Variants in GOLGA3 observed in about 807,000 individuals in gnomAD.
The protein encoded by GOLGA3 is golgin A3, also known as golgin subfamily A member 3.
In GOLGA3, 75 loss-of-function variants were observed where a neutral mutation model predicts 169.4. The ratio of observed to expected loss-of-function variants is 0.44; its 90% CI spans 0.37 to 0.54. The LOEUF is 0.54. Among genes scored for constraint, GOLGA3 ranks in the 20% least tolerant of loss-of-function variants. The pLI, the probability that GOLGA3 is intolerant of heterozygous loss-of-function variation, is 0.00. For missense variants in GOLGA3, 1,899 were observed against 1,930.0 expected (o/e 0.98, Z 0.30); for synonymous variants, 824 against 822.4 (o/e 1.00, Z -0.03).
In GOLGA3 at chr12:132,807,177, C is replaced by G. The variant is rs1232468396; in HGVS notation, c.1290G>C (p.Gln430His). 1 of 1,589,370 alleles carries G rather than the reference C, an allele frequency of 6.3e-7. No homozygotes were observed. The highest frequency in any genetic ancestry group is 1.3e-5 in the African/African-American group (1 of 74,528). ...GAGATGTCAGTCGAACGTCCGTTAC[C>G]TGACTCGCCTCCAGTGACAAGGCTT... ...QLEALSLEAS[Q>H]ALKEKAELQA... is the part of the protein sequence containing the mutation. The change falls in exon 6 of 24, where the codon CAG becomes CAC. Residue 430 changes from glutamine to histidine, a missense_variant and splice_region_variant. Physicochemically the swap from Gln to His is conservative, Grantham distance 24 (BLOSUM62 0). Transcript: ENST00000450791.
chr12:132,800,386 C>T (rs1316490838), intron 8 of GOLGA3, among the ~76,000 whole-genome samples: 3 of 150,902 alleles, frequency 2.0e-5, no homozygotes, highest in South Asian at 4.2e-4. Flanking sequence ...CCCAGCTACT[C>T]GGGACGCTGA....
At chr12:132,810,475 A>G (rs1949646526) in intron 4 of GOLGA3, among the ~76,000 whole-genome samples, 1 of 152,194 alleles carries the variant, frequency 6.6e-6, no homozygotes, top group African/African-American at 2.4e-5. Context: ...ATATATGAAT[A>G]TCATTAATCA....
chr12:132,819,870 T>C (rs934395598), intron 2 of GOLGA3, among the ~76,000 whole-genome samples: 1 of 152,080 alleles, frequency 6.6e-6, no homozygotes, highest in African/African-American at 2.4e-5. Context: ...AGACTGTTTA[T>C]ACAAAAAGTT....
chr12:132,778,313 G>A (rs1258924227), intron 18 of GOLGA3, among the ~76,000 whole-genome samples: 3 of 150,856 alleles, frequency 2.0e-5, no homozygotes, highest in Non-Finnish European at 2.9e-5. Context: ...GGCGGCTCAC[G>A]CCTGTAATCC....
Position 132,808,547 on chromosome 12 carries a change from G to A in GOLGA3, c.522C>T (p.Ser174=), listed in dbSNP as rs201692717. ...GTCTCGTTTTGGTTGCAGGTTGACT[G>A]GACTGAGAAGAAAACAAAAGTACAA... ...QYRVKRQQER[S]SQPATKTRLF... is the part of the protein sequence containing the mutation. The change falls in exon 5 of 24, where the codon TCC becomes TCT. Residue 174 remains serine, a splice_region_variant and synonymous_variant. Coordinates refer to ENST00000450791, the MANE Select transcript of GOLGA3 (RefSeq NM_001389683.1). The A allele has an allele frequency of 6.4e-7, 1 of 1,568,356 alleles. No individual in the cohort carries two copies. The highest frequency in any genetic ancestry group is 1.4e-5 in the African/African-American group (1 of 72,594).
rs753086431 is a variant in GOLGA3 at position 132,773,272 on chromosome 12, G to A, written c.4330C>T (p.Arg1444Cys). ...GTCAGGGCGTGCTCCTCCATCTGGCGCTGCAGGCTGTCCATCTCCTGCCTG... is the reference window on the plus strand; with the variant it reads ...GTCAGGGCGTGCTCCTCCATCTGGCACTGCAGGCTGTCCATCTCCTGCCTG... ...QLKQEMDSLQ[R>C]QMEEHALTVH... Residue 1444 changes from arginine to cysteine, a missense_variant, in exon 24 of 24, where the codon CGC becomes TGC. By Grantham distance (180) the Arg-to-Cys change is radical. Transcript: ENST00000450791. 5.5e-6 allele frequency: 8 copies of A among 1,445,104 alleles called. No individual in the cohort carries two copies. Among genetic ancestry groups the A allele is most frequent in the Non-Finnish European group, 7.4e-6 (8 of 1,087,392 alleles). The allele number at this position is 1,445,104 out of a possible 1,614,324, so 89.5% of individuals were successfully genotyped here.
At chr12:132,780,991 T>A (rs1038393260) in intron 17 of GOLGA3, 77 bp from the exon 18 acceptor site, 1 of 1,036,924 alleles carries the variant, frequency 9.6e-7, no homozygotes, top group African/African-American at 1.6e-5. Context: ...GCAGGCAACG[T>A]GACACACGCC....
chr12:132,784,598 T>TGGCA (rs1374580592), intron 15 of GOLGA3, among the ~76,000 whole-genome samples: 4 of 152,198 alleles, frequency 2.6e-5, no homozygotes, highest in Non-Finnish European at 5.9e-5. Flanking sequence ...TCACCATCTG[T>TGGCA]GGCAAGCAAG....
intron 4 of GOLGA3, among the ~76,000 whole-genome samples, chr12:132,808,832 ACCT>A (rs370638078): frequency 3.3e-5 from 5 of 152,128 alleles, no homozygotes; most frequent in African/African-American, 1.2e-4. Context: ...CCCAGCAAGT[ACCT>A]CCTCATCAGA....
At chr12:132,791,050 CAAAAAAAAAAAAAAAAAAAAAA>C (rs771719474) in intron 12 of GOLGA3, among the ~76,000 whole-genome samples, 144 bp downstream of exon 12, 1 of 52,632 alleles carries the variant, frequency 1.9e-5, no homozygotes, top group Non-Finnish European at 3.0e-5. Flanking sequence ...GACTCCGTCT[CAAAAAAAAAAAAAAAAAAAAAA>C]AAAAAAAAAA....
chr12:132,804,470 C>G lies in GOLGA3; in HGVS notation c.1597+246G>C, dbSNP rs1300290634. On this transcript the variant is annotated intron_variant, in intron 7 of 23. Coordinates refer to ENST00000450791, the MANE Select transcript of GOLGA3 (RefSeq NM_001389683.1). The surrounding 1 kb of genome is among the most constrained non-coding windows in gnomAD (Gnocchi z 4.1). ...TAAACCAATGCAACCCTCACAGGCACAGTCACATGCCGACAGAGCTGTCAG... is the reference window on the plus strand; with the variant it reads ...TAAACCAATGCAACCCTCACAGGCAGAGTCACATGCCGACAGAGCTGTCAG... Among the ~76,000 whole-genome samples, 1 of 152,218 alleles carries G rather than the reference C, an allele frequency of 6.6e-6. No individual in the cohort carries two copies. Among genetic ancestry groups the G allele is most frequent in the Non-Finnish European group, 1.5e-5 (1 of 68,046 alleles).
At chr12:132,813,556 A>C (rs1033955913) in intron 3 of GOLGA3, 137 bp from the exon 4 acceptor site, 2 of 562,300 alleles carry the variant, frequency 3.6e-6, no homozygotes, top group East Asian at 6.2e-5. Context: ...CTTGTTTGGA[A>C]GGACAATTTC....
At chr12:132,813,818 A>G (rs1442816136) in intron 3 of GOLGA3, among the ~76,000 whole-genome samples, 1 of 140,780 alleles carries the variant, frequency 7.1e-6, no homozygotes, top group African/African-American at 2.7e-5. Flanking sequence ...TCCGCCTCCC[A>G]GGTTCACACC....
intron 11 of GOLGA3, 147 bp downstream of exon 11, chr12:132,795,705 G>A: frequency 1.2e-6 from 1 of 843,586 alleles, no homozygotes; most frequent in Non-Finnish European, 1.9e-6. Context: ...AGGTTGCAGT[G>A]AGCGCAGATC....
rs2136263015 is a variant in GOLGA3, at chr12:132,776,752, T to G, written c.3860A>C (p.Glu1287Ala). Reference sequence around the variant, plus strand: ...CTGATCCACCTCCCATTTGAGATTTTCCATCTAAAGAGGGGAAAGTCACAT... The same window carrying G: ...CTGATCCACCTCCCATTTGAGATTTGCCATCTAAAGAGGGGAAAGTCACAT... ...SKQPVGNQEM[E>A]NLKWEVDQKE... Residue 1287 changes from glutamate to alanine, a missense_variant, in exon 21 of 24, where the codon GAA becomes GCA. Transcript: ENST00000450791. 1 of 1,613,944 alleles carries G rather than the reference T, an allele frequency of 6.2e-7. No homozygotes were observed. Among genetic ancestry groups the G allele is most frequent in the Non-Finnish European group, 8.5e-7 (1 of 1,179,958 alleles).
chr12:132,783,756 T>G, intron 16 of GOLGA3: 1 of 401,004 alleles, frequency 2.5e-6, no homozygotes, highest in Non-Finnish European at 4.1e-6. Flanking sequence ...TTTTGTATTT[T>G]TAGTAGAGAT....
chr12:132,812,195 A>ACACACACACG (rs1949749919), intron 4 of GOLGA3, among the ~76,000 whole-genome samples: 1 of 114,250 alleles, frequency 8.8e-6, no homozygotes, highest in Admixed American at 9.2e-5. Context: ...CTCAAAATAC[A>ACACACACACG]CACACACACA....
Position 132,815,880 on chromosome 12 carries a change from C to G in GOLGA3, c.406+660G>C, listed in dbSNP as rs1198291611. Among the ~76,000 whole-genome samples, 4 of 152,048 alleles carry G rather than the reference C, an allele frequency of 2.6e-5. No homozygotes were observed. In the East Asian group the frequency reaches 7.8e-4, roughly 30 times the overall value. On this transcript the variant is annotated intron_variant, in intron 3 of 23. Transcript: ENST00000450791. ...TGCCACTGGCCTCCAGCCTGGGCGA[C>G]AGAGCAAGATCCTGACTCTAATTAA... is the stretch of plus-strand genomic sequence containing the variant.
At chr12:132,813,481 A>C (rs1949813444) in intron 3 of GOLGA3, 62 bp from the exon 4 acceptor site, 8 of 895,062 alleles carry the variant, frequency 8.9e-6, no homozygotes, top group Middle Eastern at 2.2e-4. Flanking sequence ...ACAATCAGGC[A>C]CAAGAACTTG....
Sources: gnomAD v4.1 joint callset for allele counts (sites outside exome capture counted in the v4.1 genomes callset) on GRCh38, gnomAD v4.1.1 for gene constraint, Gnocchi (gnomAD v3.1) non-coding constraint, MANE v1.5 for transcripts, NCBI Gene and HGNC (gene_info 2026-07-23, HGNC 2026-07-21) for gene names.